The following USP10 variants were observed in gnomAD, a reference collection of about 807,000 sequenced individuals.
The protein encoded by USP10 is ubiquitin carboxyl-terminal hydrolase 10.
USP10 carries 22 observed loss-of-function variants against 84.5 expected under a neutral mutation model. The observed-to-expected ratio is 0.26, with a 90% CI of 0.19 to 0.37. The LOEUF (loss-of-function observed/expected upper bound fraction) is 0.37. Ranked by LOEUF, USP10 falls within the 10% of genes least tolerant of loss-of-function variation. USP10 has a pLI of 1.00. For synonymous variants in USP10, 454 were observed against 387.6 expected, an observed-to-expected ratio of 1.17 and a Z score of -2.01; for missense variants, 1,019 against 998.9, an observed-to-expected ratio of 1.02 and a Z score of -0.27.
chr16:84,754,975 T>C (rs140896633), intron 4 of USP10, among the ~76,000 whole-genome samples: 2 of 139,936 alleles, frequency 1.4e-5, no homozygotes, highest in African/African-American at 5.4e-5. Context: ...ACCCTGTCTC[T>C]AGACTTTGTC....
rs770087662 is a variant in USP10 at position 84,758,755 on chromosome 16, C to T, written c.1232C>T (p.Ser411Leu). Residue 411 changes from serine to leucine, a missense_variant, in exon 5 of 14, where the codon TCG (serine) becomes TTG (leucine). Transcript: ENST00000219473. ...ENVTLIHKPV[S>L]LQPRGLINKG... Reference sequence around the variant, plus strand: ...GTAACCCTAATCCATAAACCAGTGTCGTTGCAACCCCGTGGGCTGATCAAT... The same window carrying T: ...GTAACCCTAATCCATAAACCAGTGTTGTTGCAACCCCGTGGGCTGATCAAT... 3.7e-6 allele frequency: 6 copies of T among 1,613,904 alleles called. No individual in the cohort carries two copies. The highest frequency in any genetic ancestry group is 1.7e-5 in the Admixed American group (1 of 60,034).
At position 84,759,565 on chromosome 16, in the gene USP10, G is replaced by T. The variant is rs1912959321; in HGVS notation, c.1394+93G>T. The stretch of plus-strand genomic sequence containing the variant: ...AGTTTAGTAAAGCTCTTGATTTCCT[G>T]CAAATGAGTCCTATAATTCTGTCTT... On this transcript the variant is annotated intron_variant, in intron 6 of 13. Transcript: ENST00000219473. 5 of 1,155,236 alleles carry T rather than the reference G, an allele frequency of 4.3e-6. No individual in the cohort carries two copies. The East Asian group carries it at 1.2e-4, about 28-fold the overall frequency. 71.6% of individuals were successfully genotyped at this position (1,155,236 alleles called of 1,614,324 possible).
intron 1 of USP10, among the ~76,000 whole-genome samples, chr16:84,718,937 C>T (rs1170880120): frequency 4.0e-5 from 6 of 151,618 alleles, no homozygotes; most frequent in Admixed American, 6.6e-5. Context: ...AGATTACAGG[C>T]GCCCGCCACC....
At chr16:84,729,201 A>C (rs1020862405) in intron 1 of USP10, among the ~76,000 whole-genome samples, 3 of 152,272 alleles carry the variant, frequency 2.0e-5, no homozygotes, top group Non-Finnish European at 2.9e-5. Flanking sequence ...ATGATGTCTT[A>C]ACCTTCACAT....
chr16:84,707,052 A>G (rs1029207507), intron 1 of USP10, among the ~76,000 whole-genome samples: 3 of 152,204 alleles, frequency 2.0e-5, no homozygotes, highest in Non-Finnish European at 4.4e-5. Context: ...TAACCATTTT[A>G]CAGATGAGTA....
At chr16:84,700,421 C>G (rs966933981) in intron 1 of USP10, among the ~76,000 whole-genome samples, 1 of 151,788 alleles carries the variant, frequency 6.6e-6, no homozygotes, top group East Asian at 1.9e-4. Flanking sequence ...GGGGCGAGCC[C>G]GGGGTGTGGA....
chr16:84,749,053 G>C (rs1172725936), intron 4 of USP10, among the ~76,000 whole-genome samples: 1 of 152,138 alleles, frequency 6.6e-6, no homozygotes, highest in Non-Finnish European at 1.5e-5. Context: ...TAGACAGAAC[G>C]TAGTTGTTGA....
At chr16:84,729,752 T>A (rs1908970953) in intron 1 of USP10, among the ~76,000 whole-genome samples, 1 of 152,220 alleles carries the variant, frequency 6.6e-6, no homozygotes, top group African/African-American at 2.4e-5. Context: ...TCACGTGTAT[T>A]TTGATGGAGT....
At chr16:84,704,955 G>A in intron 1 of USP10, 3 of 1,517,862 alleles carry the variant, frequency 2.0e-6, no homozygotes, top group Non-Finnish European at 2.7e-6. Flanking sequence ...TTAGGAGAAT[G>A]TGCATGTGGA....
intron 1 of USP10, among the ~76,000 whole-genome samples, chr16:84,720,975 C>T (rs893122558): frequency 1.3e-5 from 2 of 149,522 alleles, no homozygotes; most frequent in Admixed American, 1.3e-4. Context: ...CTCACGGCAA[C>T]CTCCGCCTGC....
intron 2 of USP10, among the ~76,000 whole-genome samples, chr16:84,739,279 T>G (rs986107289): frequency 9.3e-5 from 14 of 151,054 alleles, no homozygotes; most frequent in Non-Finnish European, 1.9e-4. Flanking sequence ...TTTTGTTTTG[T>G]TTTGGTTTTT....
In USP10 at chr16:84,779,367, T is replaced by A; in HGVS notation, c.*285T>A. ...AATGCTGATTCCTGAGATAAGAAAG[T>A]GGATTTGATCCCCAGTCTCATTGCT... On this transcript the variant is annotated 3_prime_UTR_variant, in exon 14 of 14. Coordinates refer to ENST00000219473, the MANE Select transcript of USP10 (RefSeq NM_005153.3). 3.9e-6 allele frequency: 1 copy of A among 256,178 alleles called. No individual in the cohort carries two copies. The highest frequency in any genetic ancestry group is 7.4e-6 in the Non-Finnish European group (1 of 134,250). 15.9% of individuals were successfully genotyped at this position (256,178 alleles called of 1,614,324 possible). A position where few individuals can be genotyped will look rare whatever the true frequency, so the allele number is the denominator to read the frequency against.
chr16:84,726,785 A>G (rs1406854192), intron 1 of USP10, among the ~76,000 whole-genome samples: 8 of 152,254 alleles, frequency 5.3e-5, no homozygotes, highest in Admixed American at 3.9e-4. Context: ...AAAAAGGGGA[A>G]GAAATGCCTG....
intron 1 of USP10, among the ~76,000 whole-genome samples, chr16:84,729,088 G>A (rs1298982150): frequency 1.3e-5 from 2 of 152,174 alleles, no homozygotes; most frequent in Admixed American, 6.5e-5. Flanking sequence ...GTGAGCCACC[G>A]TGTCTGGCCA....
At chr16:84,731,221 C>T (rs375389637) in intron 1 of USP10, among the ~76,000 whole-genome samples, 2 of 151,688 alleles carry the variant, frequency 1.3e-5, no homozygotes, top group African/African-American at 2.4e-5. Context: ...CCTCATGATC[C>T]GCCCACCTCG....
chr16:84,721,547 A>G (rs1396651284), intron 1 of USP10, among the ~76,000 whole-genome samples: 1 of 152,136 alleles, frequency 6.6e-6, no homozygotes, highest in Non-Finnish European at 1.5e-5. Flanking sequence ...TTTGTTTTTC[A>G]GACGAGGTCT....
chr16:84,741,574 C>T (rs1196245425), intron 3 of USP10, among the ~76,000 whole-genome samples: 2 of 152,228 alleles, frequency 1.3e-5, no homozygotes, highest in Non-Finnish European at 2.9e-5. Context: ...CTCTGGAGTT[C>T]TGCTTCCCCC....
chr16:84,771,696 C>T (rs1914471147), intron 11 of USP10, among the ~76,000 whole-genome samples: 1 of 152,016 alleles, frequency 6.6e-6, no homozygotes, highest in South Asian at 2.1e-4. Context: ...TGGTGAAACC[C>T]CTTCTTTACT....
intron 4 of USP10, among the ~76,000 whole-genome samples, chr16:84,748,899 A>C (rs1911569008): frequency 6.6e-6 from 1 of 152,198 alleles, no homozygotes; most frequent in African/African-American, 2.4e-5. Context: ...TTTTGTGTGG[A>C]CATATTGTAA....
Sources: gnomAD v4.1 joint callset for allele counts (sites outside exome capture counted in the v4.1 genomes callset) on GRCh38, gnomAD v4.1.1 for gene constraint, MANE v1.5 for transcripts, NCBI Gene and HGNC (gene_info 2026-07-23, HGNC 2026-07-21) for gene names.